NGFR: variants seen among roughly 807,000 people sequenced by gnomAD.
The protein encoded by NGFR is tumor necrosis factor receptor superfamily member 16.
A neutral mutation model predicts 43.2 loss-of-function variants in NGFR; 30 were observed. The ratio of observed to expected loss-of-function variants is 0.69; its 90% CI spans 0.52 to 0.94. NGFR has a LOEUF of 0.94. Among genes scored for constraint, NGFR ranks in the 40% least tolerant of loss-of-function variants. The pLI, the probability that NGFR is intolerant of heterozygous loss-of-function variation, is 0.00. For missense variants in NGFR, 529 were observed against 602.5 expected (o/e 0.88, Z 1.28); for synonymous variants, 246 against 259.6 (o/e 0.95, Z 0.50).
chr17:49,506,958 G>C (rs1477135031), intron 3 of NGFR, among the ~76,000 whole-genome samples: 2 of 152,134 alleles, frequency 1.3e-5, no homozygotes, highest in East Asian at 1.9e-4. Flanking sequence ...CTCATCCTCC[G>C]GGACGCATTT....
chr17:49,501,999 A>AGGGGGGCCCCCCCCCC, intron 1 of NGFR, 64 bp from the exon 2 acceptor site: 15 of 330,968 alleles, frequency 4.5e-5, no homozygotes, highest in Non-Finnish European at 7.0e-5. Context: ...TCCCCGGAAG[A>AGGGGGGCCCCCCCCCC]ACCCCCCCCA....
chr17:49,495,698 C>A lies in NGFR; in HGVS notation c.66+215C>A. On this transcript the variant is annotated intron_variant, in intron 1 of 5. Coordinates refer to ENST00000172229, the MANE Select transcript of NGFR (RefSeq NM_002507.4). This position sits in a 1 kb window ranked among gnomAD's most constrained non-coding sequence, Gnocchi z 6.4. Reference sequence around the variant, plus strand: ...TCCAGGGTGGAGATGAGGGCAAGACCGGAGCACGGATGCCGGTCCTCAGGT... The same window carrying A: ...TCCAGGGTGGAGATGAGGGCAAGACAGGAGCACGGATGCCGGTCCTCAGGT... The A allele has an allele frequency of 2.5e-6, 1 of 403,728 alleles. No individual in the cohort carries two copies. The highest frequency in any genetic ancestry group is 4.2e-6 in the Non-Finnish European group (1 of 236,418). The allele number at this position is 403,728 out of a possible 1,614,324, so 25.0% of individuals were successfully genotyped here.
At chr17:49,511,749 G>C in intron 4 of NGFR, 143 bp from the exon 5 acceptor site, 1 of 956,984 alleles carries the variant, frequency 1.0e-6, no homozygotes, top group East Asian at 2.9e-5. Context: ...GATGTGCAAA[G>C]AGGAGCCTTA....
Position 49,512,721 on chromosome 17 carries a change from C to T in NGFR, c.996C>T (p.Asp332=), listed in dbSNP as rs143961715. The T allele has an allele frequency of 6.2e-5, 100 of 1,602,268 alleles. 1 individual carries two copies. The highest frequency in any genetic ancestry group is 5.5e-4 in the South Asian group (49 of 88,976). The change falls in exon 6 of 6, where the codon GAC becomes GAT. Residue 332 remains aspartate, a synonymous_variant. Transcript: ENST00000172229. This position sits in a 1 kb window ranked among gnomAD's most constrained non-coding sequence, Gnocchi z 5.2. ...QTASGQALKG[D]GGLYSSLPPA... ...GTTTCTCTGCAGCCCTCAAGGGTGA[C>T]GGAGGCCTCTACAGCAGCCTGCCCC...
rs1412229691 is a variant in NGFR, at chr17:49,513,499, T to C, written c.*490T>C. Reference sequence around the variant, plus strand: ...GGCCTCAACCCTCCCTCAGCCCCTCTTGCCCCCCACCCCAGCCTAAGATGA... The same window carrying C: ...GGCCTCAACCCTCCCTCAGCCCCTCCTGCCCCCCACCCCAGCCTAAGATGA... On this transcript the variant is annotated 3_prime_UTR_variant, in exon 6 of 6. Transcript: ENST00000172229. 6.4e-6 allele frequency: 1 copy of C among 155,748 alleles called. No individual in the cohort carries two copies. Among genetic ancestry groups the C allele is most frequent in the Non-Finnish European group, 1.4e-5 (1 of 70,286 alleles). 9.6% of individuals were successfully genotyped at this position (155,748 alleles called of 1,614,324 possible). A position where few individuals can be genotyped will look rare whatever the true frequency, so the allele number is the denominator to read the frequency against.
chr17:49,510,790 C>T (rs2071226876), intron 4 of NGFR, 126 bp downstream of exon 4: 1 of 1,210,184 alleles, frequency 8.3e-7, no homozygotes, highest in South Asian at 1.4e-5. Flanking sequence ...CATCCTCACT[C>T]ATCATCTGCC....
At chr17:49,506,078 TG>T in intron 2 of NGFR, 1 of 835,800 alleles carries the variant, frequency 1.2e-6, no homozygotes, top group Non-Finnish European at 1.7e-6. Flanking sequence ...TTCTGGAGCC[TG>T]GAGGATGCGG....
chr17:49,500,542 G>A (rs1418225954), intron 1 of NGFR, among the ~76,000 whole-genome samples: 3 of 152,170 alleles, frequency 2.0e-5, no homozygotes, highest in African/African-American at 4.8e-5. Context: ...ATCTGTGAGC[G>A]GTGGGTGCAA....
At position 49,495,302 on chromosome 17, in the gene NGFR, C is replaced by T. The variant is rs922683430; in HGVS notation, c.-116C>T. 2 of 872,132 alleles carry T rather than the reference C, an allele frequency of 2.3e-6. No individual in the cohort carries two copies. Among genetic ancestry groups the T allele is most frequent in the African/African-American group, 1.7e-5 (1 of 57,396 alleles). 54.0% of individuals were successfully genotyped at this position (872,132 alleles called of 1,614,324 possible). On this transcript the variant is annotated 5_prime_UTR_variant, in exon 1 of 6. Coordinates refer to ENST00000172229, the MANE Select transcript of NGFR (RefSeq NM_002507.4). The surrounding 1 kb of genome is among the most constrained non-coding windows in gnomAD (Gnocchi z 6.4). Reference sequence around the variant, plus strand: ...TCTCCCGCCCGCAGCCAGAGCGAGCCGAGCCGCGGCCAGCTCCGGCGGGCA... The same window carrying T: ...TCTCCCGCCCGCAGCCAGAGCGAGCTGAGCCGCGGCCAGCTCCGGCGGGCA...
At position 49,495,943 on chromosome 17, in the gene NGFR, G is replaced by C. The variant is rs2143416359; in HGVS notation, c.66+460G>C. 1 of 162,754 alleles carries C rather than the reference G, an allele frequency of 6.1e-6. No individual in the cohort carries two copies. The highest frequency in any genetic ancestry group is 1.7e-4 in the East Asian group (1 of 5,820). 10.1% of individuals were successfully genotyped at this position (162,754 alleles called of 1,614,324 possible). A position where few individuals can be genotyped will look rare whatever the true frequency, so the allele number is the denominator to read the frequency against. ...GAGATGAGAGGGGCGAGCTGGGCTGGGGCGGGGAGCCCGGGACGACGGGAT... is the reference window on the plus strand; with the variant it reads ...GAGATGAGAGGGGCGAGCTGGGCTGCGGCGGGGAGCCCGGGACGACGGGAT... On this transcript the variant is annotated intron_variant, in intron 1 of 5. Transcript: ENST00000172229. The surrounding 1 kb of genome is among the most constrained non-coding windows in gnomAD (Gnocchi z 6.4).
intron 3 of NGFR, among the ~76,000 whole-genome samples, chr17:49,507,549 G>A (rs1161845297): frequency 2.0e-5 from 3 of 152,232 alleles, no homozygotes. Flanking sequence ...CTTGGGATGG[G>A]AGAAGGAAGC....
intron 3 of NGFR, 41 bp downstream of exon 3, chr17:49,506,699 G>GGGGGGC: frequency 2.5e-6 from 1 of 402,094 alleles, no homozygotes; most frequent in East Asian, 6.8e-5. Context: ...GGGGTGCGGG[G>GGGGGGC]GTGGGCTGGG....
At position 49,514,811 on chromosome 17, in the gene NGFR, T is replaced by TAGCA. The variant is rs1284702775; in HGVS notation, c.*1802_*1803insAGCA. On this transcript the variant is annotated 3_prime_UTR_variant, in exon 6 of 6. Transcript: ENST00000172229. ...CAAGTATGTTTTAGCATGTGTTTGG[T>TAGCA]TCTGGGGCCCCTTTTTACTCCCCTT... 4.0e-5 allele frequency: 6 copies of TAGCA among 151,526 alleles called. No individual in the cohort carries two copies. The highest frequency in any genetic ancestry group is 7.4e-5 in the Non-Finnish European group (5 of 67,816). 9.4% of individuals were successfully genotyped at this position (151,526 alleles called of 1,614,324 possible). A position where few individuals can be genotyped will look rare whatever the true frequency, so the allele number is the denominator to read the frequency against.
rs1298913280 is a variant in NGFR, at chr17:49,513,438, C to T, written c.*429C>T. 1.2e-5 allele frequency: 2 copies of T among 170,746 alleles called. No individual in the cohort carries two copies. Among genetic ancestry groups the T allele is most frequent in the Non-Finnish European group, 1.3e-5 (1 of 79,952 alleles). 10.6% of individuals were successfully genotyped at this position (170,746 alleles called of 1,614,324 possible). On this transcript the variant is annotated 3_prime_UTR_variant, in exon 6 of 6. Transcript: ENST00000172229. ...CGAGGAACCAGAGCCATGGACTCTA[C>T]ACTGTGAACTTGGGGAACAAGGGTG...
intron 4 of NGFR, chr17:49,510,957 C>G: frequency 1.9e-5 from 8 of 430,032 alleles, no homozygotes; most frequent in South Asian, 5.8e-5. Context: ...TGTCCTCATC[C>G]CCAACCTCCT....
intron 2 of NGFR, among the ~76,000 whole-genome samples, chr17:49,502,827 CCTTCCT>C (rs2071175207): frequency 7.8e-6 from 1 of 128,076 alleles, no homozygotes; most frequent in African/African-American, 2.9e-5. Flanking sequence ...TTCCTTCCTT[CCTTCCT>C]TCCTTCCTTC....
rs754099842 is a variant in NGFR, at chr17:49,512,088, T to G, written c.982+36T>G. On this transcript the variant is annotated intron_variant, in intron 5 of 5. Coordinates refer to ENST00000172229, the MANE Select transcript of NGFR (RefSeq NM_002507.4). This position sits in a 1 kb window ranked among gnomAD's most constrained non-coding sequence, Gnocchi z 5.2. The stretch of plus-strand genomic sequence containing the variant: ...GCCCGCTGGGGAGCTGAGGCGGAGC[T>G]GAGGCTGAGGAAACAGAAGCAATTA... 6.3e-7 allele frequency: 1 copy of G among 1,599,886 alleles called. No homozygotes were observed. Among genetic ancestry groups the G allele is most frequent in the Non-Finnish European group, 8.5e-7 (1 of 1,172,912 alleles).
chr17:49,499,497 G>C (rs189518858), intron 1 of NGFR, among the ~76,000 whole-genome samples: 1 of 152,320 alleles, frequency 6.6e-6, no homozygotes, highest in African/African-American at 2.4e-5. Context: ...AGAGTGGCGT[G>C]AGAGCTCACA....
chr17:49,505,211 A>G (rs1310290410), intron 2 of NGFR, among the ~76,000 whole-genome samples: 3 of 151,214 alleles, frequency 2.0e-5, no homozygotes, highest in Non-Finnish European at 4.4e-5. Flanking sequence ...AGACCCCCCT[A>G]CAGGCCTCAG....
Sources: allele counts gnomAD v4.1 joint callset (sites outside exome capture counted in the v4.1 genomes callset), GRCh38; gene constraint gnomAD v4.1.1; non-coding constraint Gnocchi (gnomAD v3.1); transcripts MANE v1.5; gene names NCBI Gene and HGNC (gene_info 2026-07-23, HGNC 2026-07-21).